TMEM114: variants seen among roughly 807,000 people sequenced by gnomAD.
TMEM114 encodes transmembrane protein 114.
TMEM114 carries 6 observed loss-of-function variants against 6.2 expected under a neutral mutation model. That is an observed-to-expected ratio of 0.97 (90% CI 0.53 to 1.91). The LOEUF (loss-of-function observed/expected upper bound fraction) is 1.91, where lower values mean the gene tolerates loss of function less well. TMEM114 is among the 40% of genes most tolerant of loss of function. The probability of loss-of-function intolerance (pLI) is 0.01; values close to 1 mark genes in which losing one functional copy is unlikely to be tolerated. For synonymous variants in TMEM114, 104 were observed against 73.0 expected, an observed-to-expected ratio of 1.42 and a Z score of -2.16; for missense variants, 218 against 158.3, an observed-to-expected ratio of 1.38 and a Z score of -2.02.
intron 2 of TMEM114, among the ~76,000 whole-genome samples, chr16:8,581,615 G>C (rs1902152639): frequency 6.6e-6 from 1 of 152,146 alleles, no homozygotes; most frequent in Non-Finnish European, 1.5e-5. Context: ...CACCACACCT[G>C]GCTAATTTTT....
intron 2 of TMEM114, among the ~76,000 whole-genome samples, chr16:8,546,406 A>T (rs984636049): frequency 6.6e-6 from 1 of 152,190 alleles, no homozygotes; most frequent in African/African-American, 2.4e-5. Context: ...CACTGAATGT[A>T]CCGACAGTAG....
chr16:8,555,381 G>C (rs1197569230), intron 2 of TMEM114, among the ~76,000 whole-genome samples: 2 of 152,210 alleles, frequency 1.3e-5, no homozygotes, highest in Non-Finnish European at 2.9e-5. Context: ...GCTCAGGGCA[G>C]TTTTGCAGTC....
chr16:8,584,073 G>A (rs889455200), intron 2 of TMEM114, among the ~76,000 whole-genome samples: 2 of 152,216 alleles, frequency 1.3e-5, no homozygotes, highest in Non-Finnish European at 1.5e-5. Context: ...ATGAGAAACA[G>A]AACGTCTCCC....
chr16:8,528,824 T>C, the TMEM114 span, among the ~76,000 whole-genome samples: 1 of 152,256 alleles, frequency 6.6e-6, no homozygotes. Context: ...GCTCTGTGTG[T>C]GCTTCTGAAG....
chr16:8,588,503 C>A (rs1008146802), intron 2 of TMEM114, among the ~76,000 whole-genome samples: 4 of 152,160 alleles, frequency 2.6e-5, no homozygotes, highest in African/African-American at 9.7e-5. Flanking sequence ...TCTCAAGCCT[C>A]AATGAATTGA....
At chr16:8,575,057 G>A (rs1901872808) in intron 2 of TMEM114, among the ~76,000 whole-genome samples, 1 of 152,124 alleles carries the variant, frequency 6.6e-6, no homozygotes, top group Admixed American at 6.5e-5. Flanking sequence ...TTGGAATGTG[G>A]ATATGATGAA....
intron 3 of TMEM114, among the ~76,000 whole-genome samples, chr16:8,571,839 G>A (rs184875155): frequency 2.1e-4 from 32 of 152,204 alleles, no homozygotes; most frequent in East Asian, 5.8e-4. Flanking sequence ...TAATACATGC[G>A]GCTTCTTTGG....
At chr16:8,556,718 G>A (rs898612316) in intron 2 of TMEM114, among the ~76,000 whole-genome samples, 1 of 152,130 alleles carries the variant, frequency 6.6e-6, no homozygotes, top group South Asian at 2.1e-4. Context: ...GGCCAGGCTG[G>A]TCTCGAACTC....
downstream of TMEM114, among the ~76,000 whole-genome samples, chr16:8,535,648 T>C (rs968461552): frequency 2.0e-4 from 30 of 152,234 alleles, 1 homozygote; most frequent in East Asian, 1.9e-4. Flanking sequence ...ACTGATCTTA[T>C]GAGTTCTGTG....
Position 8,548,694 on chromosome 16 carries a change from G to GTATATATA in TMEM114, n.213-10876_213-10869dup, listed in dbSNP as rs141212101. On this transcript the variant is annotated intron_variant and non_coding_transcript_variant, in intron 2 of 2. Transcript: ENST00000623677. ...AGAGAAGTGAGCTAAAAATTGCCAT[G>GTATATATA]TATATATATACACAGAAAAAAAATA... 2.3e-3 allele frequency among the ~76,000 whole-genome samples: 329 copies of GTATATATA among 140,004 alleles called. 14 individuals carry two copies. Among genetic ancestry groups the GTATATATA allele is most frequent in the African/African-American group, 7.5e-3 (264 of 35,320 alleles). The allele number at this position is 140,004 out of a possible 152,430, so 91.8% of individuals were successfully genotyped here. A position where few individuals can be genotyped will look rare whatever the true frequency, so the allele number is the denominator to read the frequency against.
At chr16:8,585,045 G>C (rs1234582072) in intron 2 of TMEM114, among the ~76,000 whole-genome samples, 2 of 152,150 alleles carry the variant, frequency 1.3e-5, no homozygotes, top group Admixed American at 6.6e-5. Context: ...ACATGGCTGG[G>C]GAGGCCTCAC....
At chr16:8,529,228 C>A in the TMEM114 span, among the ~76,000 whole-genome samples, 5 of 152,174 alleles carry the variant, frequency 3.3e-5, no homozygotes, top group African/African-American at 1.2e-4. Flanking sequence ...TTATCACTAG[C>A]TTTCCACTCA....
downstream of TMEM114, among the ~76,000 whole-genome samples, chr16:8,565,218 A>C (rs2141677132): frequency 6.6e-6 from 1 of 152,292 alleles, no homozygotes; most frequent in East Asian, 1.9e-4. Flanking sequence ...TAAATGAATA[A>C]GTGAGTGAAT....
chr16:8,527,023 C>A, the TMEM114 span, among the ~76,000 whole-genome samples: 10 of 152,314 alleles, frequency 6.6e-5, no homozygotes, highest in South Asian at 2.1e-3. Flanking sequence ...GCCTGGCCAA[C>A]ATGGGGAAAC....
intron 2 of TMEM114, among the ~76,000 whole-genome samples, chr16:8,544,696 A>G (rs1245806185): frequency 1.3e-5 from 2 of 152,206 alleles, no homozygotes; most frequent in East Asian, 3.9e-4. Context: ...CAGAGATTTC[A>G]TGGCAGTAGT....
downstream of TMEM114, among the ~76,000 whole-genome samples, chr16:8,535,937 G>C (rs1055207708): frequency 6.6e-6 from 1 of 152,128 alleles, no homozygotes; most frequent in Non-Finnish European, 1.5e-5. Flanking sequence ...CAAAAATGAA[G>C]GGAGTGGGGA....
At chr16:8,548,456 C>A (rs1360427023) in intron 2 of TMEM114, among the ~76,000 whole-genome samples, 1 of 152,070 alleles carries the variant, frequency 6.6e-6, no homozygotes, top group African/African-American at 2.4e-5. Context: ...TTATTACCTC[C>A]CTGATGAGTC....
chr16:8,535,103 G>C (rs1417670619), downstream of TMEM114, among the ~76,000 whole-genome samples: 1 of 152,176 alleles, frequency 6.6e-6, no homozygotes, highest in Non-Finnish European at 1.5e-5. Context: ...CACCATCTGA[G>C]TGTCCTCTGT....
At chr16:8,570,053 A>C (rs1468593726) in intron 3 of TMEM114, 48 bp from the exon 4 acceptor site, 1 of 1,506,090 alleles carries the variant, frequency 6.6e-7, no homozygotes, top group African/African-American at 1.4e-5. Flanking sequence ...ACCCCGCCCC[A>C]GCACTCCCCT....
Sources: allele counts gnomAD v4.1 joint callset (sites outside exome capture counted in the v4.1 genomes callset), GRCh38; gene constraint gnomAD v4.1.1; transcripts MANE v1.5; gene names NCBI Gene and HGNC (gene_info 2026-07-23, HGNC 2026-07-21).